Variants in DDRGK1 observed in about 807,000 individuals in gnomAD.
The protein encoded by DDRGK1 is DDRGK domain-containing protein 1.
Under a neutral mutation model 45.8 loss-of-function variants are expected in DDRGK1, and 38 were observed. The observed-to-expected ratio is 0.83, with a 90% CI of 0.64 to 1.09. DDRGK1 has a LOEUF of 1.09. Among genes scored for constraint, DDRGK1 ranks in the 50% least tolerant of loss-of-function variants. The probability of loss-of-function intolerance (pLI) is 0.00; values close to 1 mark genes in which losing one functional copy is unlikely to be tolerated. For synonymous variants in DDRGK1, 171 were observed against 168.7 expected (o/e 1.01, Z -0.11); for missense variants, 403 against 419.9 (o/e 0.96, Z 0.35).
rs1319445835 is a variant in DDRGK1 at position 3,194,849 on chromosome 20, T to A, written c.653A>T (p.Glu218Val). The part of the protein sequence containing the change: ...TEEQSQSFLT[E>V]FINYIKQSKV... ...TCTTACCTTGATGTAGTTGATGAACTCTGTCAGGAAGCTCTGGGACTAGAG... is the reference window on the plus strand; with the variant it reads ...TCTTACCTTGATGTAGTTGATGAACACTGTCAGGAAGCTCTGGGACTAGAG... The change falls in exon 6 of 9, where the codon GAG becomes GTG. Residue 218 changes from glutamate (E) to valine (V), a missense_variant. Physicochemically the swap from Glu to Val is moderately radical, Grantham distance 121 (BLOSUM62 -2). Transcript: ENST00000354488. The A allele has an allele frequency of 6.2e-7, 1 of 1,614,138 alleles. No individual in the cohort carries two copies. Among genetic ancestry groups the A allele is most frequent in the Non-Finnish European group, 8.5e-7 (1 of 1,180,002 alleles).
In DDRGK1 at chr20:3,203,379, TC is replaced by T; in HGVS notation, c.128del (p.Gly43GlufsTer56). On this transcript the variant is annotated frameshift_variant, in exon 2 of 9. Coordinates refer to ENST00000354488, the MANE Select transcript of DDRGK1 (RefSeq NM_023935.3). LOFTEE classifies it high-confidence loss of function. Reference sequence around the variant, plus strand: ...GCCCAGGCTGGGCCACCCGGCCTGCTCCTGCCAGCTCCTCATTGTGCAGTGG... The same window carrying T: ...GCCCAGGCTGGGCCACCCGGCCTGCTCTGCCAGCTCCTCATTGTGCAGTGG... ...QEPLHNEELA[G>X]AGRVAQPGPL... The T allele has an allele frequency of 6.2e-7, 1 of 1,602,156 alleles. No individual in the cohort carries two copies. Among genetic ancestry groups the T allele is most frequent in the Non-Finnish European group, 8.5e-7 (1 of 1,174,584 alleles).
chr20:3,191,541 G>A, intron 7 of DDRGK1: 1 of 733,012 alleles, frequency 1.4e-6, no homozygotes, highest in Non-Finnish European at 2.5e-6. Context: ...TTGGTCACAG[G>A]GGCTGGCAGA....
At chr20:3,198,477 G>C (rs1479112188) in intron 4 of DDRGK1, among the ~76,000 whole-genome samples, 1 of 150,694 alleles carries the variant, frequency 6.6e-6, no homozygotes, top group Non-Finnish European at 1.5e-5. Context: ...GAGGTGGGTG[G>C]ATCACCTGAG....
chr20:3,201,645 G>A (rs1056951068), intron 2 of DDRGK1, among the ~76,000 whole-genome samples: 2 of 151,766 alleles, frequency 1.3e-5, no homozygotes. Context: ...CATTAGGAGA[G>A]AGGGTTGTTT....
rs1303368428 is a variant in DDRGK1, at chr20:3,191,794, G to A, written c.700C>T (p.Leu234=). 3 of 1,608,374 alleles carry A rather than the reference G, an allele frequency of 1.9e-6. No homozygotes were observed. The highest frequency in any genetic ancestry group is 1.3e-5 in the African/African-American group (1 of 74,954). ...KQSKVVLLED[L]ASQVGLRTQD... The stretch of plus-strand genomic sequence containing the variant: ...GTGCGTAGGCCCACCTGGGAAGCCA[G>A]GTCTTCCAAGAGCACAACCTTGGAC... Residue 234 remains leucine, a synonymous_variant, in exon 7 of 9, where the codon CTG becomes TTG. Transcript: ENST00000354488.
chr20:3,194,975 C>T (rs1008062776), intron 5 of DDRGK1, 107 bp from the exon 6 acceptor site: 25 of 1,485,992 alleles, frequency 1.7e-5, no homozygotes, highest in East Asian at 2.4e-5. Flanking sequence ...CTGCCTGCAG[C>T]CTGCCTTTGG....
intron 7 of DDRGK1, 128 bp downstream of exon 7, chr20:3,191,637 G>T: frequency 9.3e-7 from 1 of 1,077,182 alleles, no homozygotes; most frequent in Non-Finnish European, 1.4e-6. Context: ...AGACTTCTGT[G>T]CACTACTCAC....
chr20:3,191,137 G>A (rs2122227290), intron 8 of DDRGK1, 53 bp downstream of exon 8: 1 of 1,607,948 alleles, frequency 6.2e-7, no homozygotes, highest in East Asian at 2.2e-5. Context: ...CAGCCCCTGT[G>A]GCTAGACACT....
intron 1 of DDRGK1, 81 bp downstream of exon 1, chr20:3,204,456 A>G (rs975729324): frequency 1.1e-5 from 16 of 1,411,162 alleles, no homozygotes; most frequent in Non-Finnish European, 1.4e-5. Context: ...CACGCGCAGG[A>G]GCCGCGGCGC....
At chr20:3,192,735 G>A (rs139063683) in intron 6 of DDRGK1, among the ~76,000 whole-genome samples, 47 of 152,310 alleles carry the variant, frequency 3.1e-4, no homozygotes, top group African/African-American at 1.1e-3. Context: ...CCAACACACA[G>A]CACAGGACTT....
At chr20:3,200,700 G>A (rs1028753495) in intron 2 of DDRGK1, among the ~76,000 whole-genome samples, 4 of 152,180 alleles carry the variant, frequency 2.6e-5, no homozygotes, top group African/African-American at 7.2e-5. Flanking sequence ...ACTTTAGGCC[G>A]GGCACGGTGG....
chr20:3,200,346 C>G lies in DDRGK1; in HGVS notation c.404G>C (p.Arg135Pro). The G allele has an allele frequency of 6.4e-7, 1 of 1,562,540 alleles. No individual in the cohort carries two copies. The highest frequency in any genetic ancestry group is 2.4e-5 in the East Asian group (1 of 42,000). Reference protein sequence around the residue: ...LEEKQARKAQREAEEAEREER... With the variant: ...LEEKQARKAQPEAEEAEREER... ...CACCCCATCCCTCCGGCTTGCCTCACGCTGGGCCTTTCGCGCTTGTTTCTC... is the reference window on the plus strand; with the variant it reads ...CACCCCATCCCTCCGGCTTGCCTCAGGCTGGGCCTTTCGCGCTTGTTTCTC... Residue 135 changes from arginine to proline, a missense_variant, in exon 3 of 9, where the codon CGT becomes CCT. Coordinates refer to ENST00000354488, the MANE Select transcript of DDRGK1 (RefSeq NM_023935.3).
At chr20:3,203,161 T>A in intron 2 of DDRGK1, 52 bp downstream of exon 2, 1 of 1,455,242 alleles carries the variant, frequency 6.9e-7, no homozygotes, top group East Asian at 2.5e-5. Context: ...GGGGCCCTTT[T>A]ATCCCCCCCT....
intron 2 of DDRGK1, among the ~76,000 whole-genome samples, chr20:3,202,877 G>C (rs1407611926): frequency 1.3e-5 from 2 of 152,188 alleles, no homozygotes; most frequent in African/African-American, 4.8e-5. Flanking sequence ...AGAAACTCTT[G>C]GCCAGGCACT....
intron 1 of DDRGK1, among the ~76,000 whole-genome samples, chr20:3,203,926 A>G (rs552910564): frequency 6.6e-6 from 1 of 152,206 alleles, no homozygotes; most frequent in Non-Finnish European, 1.5e-5. Flanking sequence ...AAACACATAT[A>G]CAAACCCGCC....
At chr20:3,201,241 G>A (rs1281855720) in intron 2 of DDRGK1, among the ~76,000 whole-genome samples, 4 of 146,888 alleles carry the variant, frequency 2.7e-5, no homozygotes, top group African/African-American at 5.1e-5. Flanking sequence ...CGGAGATCGC[G>A]CCACTGCACT....
chr20:3,200,463 G>T lies in DDRGK1; in HGVS notation c.296-9C>A. 6.4e-7 allele frequency: 1 copy of T among 1,561,724 alleles called. No individual in the cohort carries two copies. The highest frequency in any genetic ancestry group is 8.7e-7 in the Non-Finnish European group (1 of 1,152,124). On this transcript the variant is annotated splice_polypyrimidine_tract_variant and intron_variant, in intron 2 of 8. Coordinates refer to ENST00000354488, the MANE Select transcript of DDRGK1 (RefSeq NM_023935.3). ...ACCTTCCTCCTCCTGGGCTGGGTAT[G>T]GTCAAAGAAAGACAGTTCAGGTTCT...
intron 2 of DDRGK1, among the ~76,000 whole-genome samples, chr20:3,201,416 G>C (rs2067039011): frequency 6.8e-6 from 1 of 146,574 alleles, no homozygotes; most frequent in South Asian, 2.2e-4. Context: ...CTGCTGCCAA[G>C]TGGTGTGAGC....
intron 2 of DDRGK1, among the ~76,000 whole-genome samples, chr20:3,200,683 G>T (rs1431053661): frequency 6.6e-6 from 1 of 152,206 alleles, no homozygotes; most frequent in South Asian, 2.1e-4. Context: ...CAAGGGAAAA[G>T]ATGAGAACTT....
Sources: gnomAD v4.1 joint callset for allele counts (sites outside exome capture counted in the v4.1 genomes callset) on GRCh38, gnomAD v4.1.1 for gene constraint, MANE v1.5 for transcripts, NCBI Gene and HGNC (gene_info 2026-07-23, HGNC 2026-07-21) for gene names.